NEGR1: variants seen among roughly 807,000 people sequenced by gnomAD.
NEGR1 encodes the protein neuronal growth regulator 1, also known as IgLON family member 4.
Under a neutral mutation model 40.9 loss-of-function variants are expected in NEGR1, and 10 were observed. That is an observed-to-expected ratio of 0.24 (90% CI 0.15 to 0.42). The LOEUF is 0.42. NEGR1 is among the 10% of genes least tolerant of loss of function. NEGR1 has a pLI of 1.00. For synonymous variants in NEGR1, 185 were observed against 166.8 expected (o/e 1.11, Z -0.84); for missense variants, 352 against 438.9 (o/e 0.80, Z 1.77).
At chr1:72,130,804 T>C (rs1177852760) in intron 1 of NEGR1, among the ~76,000 whole-genome samples, 2 of 152,200 alleles carry the variant, frequency 1.3e-5, no homozygotes, top group Non-Finnish European at 2.9e-5. Context: ...CATGAGGGCA[T>C]GAATATTTAT....
intron 2 of NEGR1, among the ~76,000 whole-genome samples, chr1:71,846,487 A>G (rs374758596): frequency 1.3e-5 from 2 of 150,194 alleles, no homozygotes; most frequent in Admixed American, 6.8e-5. Flanking sequence ...TTCCTGGGGG[A>G]AAAAATGTGA....
chr1:72,098,723 T>C (rs1267350177), intron 1 of NEGR1, among the ~76,000 whole-genome samples: 1 of 152,162 alleles, frequency 6.6e-6, no homozygotes, highest in African/African-American at 2.4e-5. Flanking sequence ...TTAGCTTTAC[T>C]TGATCAGCAA....
intron 2 of NEGR1, among the ~76,000 whole-genome samples, chr1:71,887,865 T>A (rs1206402984): frequency 6.6e-6 from 1 of 152,122 alleles, no homozygotes; most frequent in Admixed American, 6.5e-5. Context: ...ACCTTTTCCA[T>A]TTGGAATTCC....
chr1:72,198,198 C>G (rs916659046), intron 1 of NEGR1, among the ~76,000 whole-genome samples: 1 of 151,860 alleles, frequency 6.6e-6, no homozygotes, highest in African/African-American at 2.4e-5. Context: ...TAGCTAGGAG[C>G]GTACATATAA....
At chr1:72,255,350 G>A (rs1008918274) in intron 1 of NEGR1, among the ~76,000 whole-genome samples, 1 of 152,026 alleles carries the variant, frequency 6.6e-6, no homozygotes, top group African/African-American at 2.4e-5. Context: ...TTTATGCCAA[G>A]CAACACTAAA....
At chr1:71,915,809 A>G (rs1460142651) in intron 2 of NEGR1, among the ~76,000 whole-genome samples, 1 of 152,218 alleles carries the variant, frequency 6.6e-6, no homozygotes, top group Non-Finnish European at 1.5e-5. Context: ...TCATTAAGAG[A>G]TCATATATTG....
At chr1:71,548,575 G>A (rs1158742150) in intron 6 of NEGR1, among the ~76,000 whole-genome samples, 2 of 151,650 alleles carry the variant, frequency 1.3e-5, no homozygotes, top group Admixed American at 6.6e-5. Flanking sequence ...GGATATTCTT[G>A]ACGTTTGAAT....
At chr1:71,432,431 G>A (rs1301823353) in intron 6 of NEGR1, among the ~76,000 whole-genome samples, 1 of 152,138 alleles carries the variant, frequency 6.6e-6, no homozygotes, top group Non-Finnish European at 1.5e-5. Flanking sequence ...AGGAGTGCAG[G>A]AAATTTTACA....
At chr1:72,015,600 G>A (rs551932869) in intron 1 of NEGR1, among the ~76,000 whole-genome samples, 1,909 of 152,232 alleles carry the variant, frequency 0.013, 42 homozygotes, top group African/African-American at 0.044. Flanking sequence ...AGCCCAGGAA[G>A]TTGAGGCTGT....
At chr1:71,460,438 G>C (rs984626847) in intron 6 of NEGR1, among the ~76,000 whole-genome samples, 6 of 152,192 alleles carry the variant, frequency 3.9e-5, no homozygotes, top group Non-Finnish European at 8.8e-5. Context: ...TTGTACCCTA[G>C]GCAGCTACGT....
intron 6 of NEGR1, among the ~76,000 whole-genome samples, chr1:71,521,486 A>G (rs748259598): frequency 1.4e-4 from 21 of 152,004 alleles, no homozygotes; most frequent in Non-Finnish European, 2.5e-4. Context: ...AATTGACTAG[A>G]CTTCAAACCT....
At chr1:71,928,068 A>ATG (rs1229896368) in intron 2 of NEGR1, among the ~76,000 whole-genome samples, 2 of 117,100 alleles carry the variant, frequency 1.7e-5, no homozygotes, top group Non-Finnish European at 1.8e-5. Flanking sequence ...ATACACACAC[A>ATG]CATATGTACA....
intron 4 of NEGR1, among the ~76,000 whole-genome samples, chr1:71,652,033 A>C (rs1028701195): frequency 1.3e-5 from 2 of 152,122 alleles, no homozygotes; most frequent in African/African-American, 4.8e-5. Flanking sequence ...GGTGGGATTT[A>C]TTTGTATTTT....
chr1:71,444,720 T>G (rs1557528167), intron 6 of NEGR1, among the ~76,000 whole-genome samples: 1 of 116,162 alleles, frequency 8.6e-6, no homozygotes, highest in Non-Finnish European at 1.8e-5. Flanking sequence ...CAAAACTATT[T>G]ACTATTTGGC....
chr1:72,088,255 A>G (rs533879747), intron 1 of NEGR1, among the ~76,000 whole-genome samples: 6 of 152,258 alleles, frequency 3.9e-5, no homozygotes, highest in Admixed American at 2.0e-4. Flanking sequence ...CTTGTTAGAA[A>G]GGCAAAGTGT....
chr1:71,506,835 G>T (rs1424001073), intron 6 of NEGR1, among the ~76,000 whole-genome samples: 2 of 152,216 alleles, frequency 1.3e-5, no homozygotes, highest in Middle Eastern at 3.4e-3. Flanking sequence ...AACCATAATG[G>T]TTATGCTGTC....
At chr1:71,626,914 A>C (rs1222290392) in intron 4 of NEGR1, among the ~76,000 whole-genome samples, 1 of 152,224 alleles carries the variant, frequency 6.6e-6, no homozygotes, top group Admixed American at 6.6e-5. Context: ...ATCACTGGCC[A>C]TCAGAGAAAT....
intron 3 of NEGR1, among the ~76,000 whole-genome samples, chr1:71,754,103 G>A (rs1374781799): frequency 1.3e-5 from 2 of 151,906 alleles, no homozygotes; most frequent in Non-Finnish European, 1.5e-5. Context: ...TCCTGAAAGA[G>A]CTGCCACTGA....
chr1:71,966,989 AG>A (rs1646214993), intron 1 of NEGR1, among the ~76,000 whole-genome samples: 1 of 152,192 alleles, frequency 6.6e-6, no homozygotes, highest in African/African-American at 2.4e-5. Flanking sequence ...TATATTCAGT[AG>A]GCTAAATCTA....
Sources: gnomAD v4.1 joint callset for allele counts (sites outside exome capture counted in the v4.1 genomes callset) on GRCh38, gnomAD v4.1.1 for gene constraint, MANE v1.5 for transcripts, NCBI Gene and HGNC (gene_info 2026-07-23, HGNC 2026-07-21) for gene names.